The following NCOA4 variants were observed in gnomAD, a reference collection of about 807,000 sequenced individuals.
The protein encoded by NCOA4 is nuclear receptor coactivator 4.
Under a neutral mutation model 69.5 loss-of-function variants are expected in NCOA4, and 31 were observed. The ratio of observed to expected loss-of-function variants is 0.45; its 90% CI spans 0.34 to 0.60. The LOEUF (loss-of-function observed/expected upper bound fraction) is 0.60. NCOA4 is among the 20% of genes least tolerant of loss of function. The pLI, the probability that NCOA4 is intolerant of heterozygous loss-of-function variation, is 0.02. For synonymous variants in NCOA4, 228 were observed against 252.4 expected (o/e 0.90, Z 0.92); for missense variants, 600 against 719.2 (o/e 0.83, Z 1.90).
Position 46,010,437 on chromosome 10 carries a change from G to A in NCOA4, c.1484C>T (p.Ser495Leu), listed in dbSNP as rs142672975. 3,663 of 1,614,176 alleles carry A rather than the reference G, an allele frequency of 2.3e-3. 26 individuals are homozygous for A. Among genetic ancestry groups the A allele is most frequent in the East Asian group, 0.014 (630 of 44,884 alleles). Residue 495 changes from serine to leucine, a missense_variant, in exon 8 of 10, where the codon TCG (serine) becomes TTG (leucine). Coordinates refer to ENST00000581486, the MANE Select transcript of NCOA4 (RefSeq NM_001145263.2). ...GTATGGGGGCCTGATAAGCCACTCC[G>A]ACAAGGGGCTGTTCTTTATGACTTG... ...SFQVIKNSPL[S>L]EWLIRPPYKE...
At chr10:46,024,433 TTCTC>T (rs1179904156) in intron 1 of NCOA4, among the ~76,000 whole-genome samples, 8 of 152,180 alleles carry the variant, frequency 5.3e-5, no homozygotes, top group African/African-American at 1.9e-4. Context: ...ACGGTCTCTG[TTCTC>T]TCTCTAAAAG....
Position 46,006,580 on chromosome 10 carries a change from T to C in NCOA4, c.*12A>G, listed in dbSNP as rs368134933. ...AATCAGCAGAAAGGCTGCTCAACTC[T>C]TGTCCATTCCTTCACATCTGTAAAG... On this transcript the variant is annotated 3_prime_UTR_variant, in exon 10 of 10. Coordinates refer to ENST00000581486, the MANE Select transcript of NCOA4 (RefSeq NM_001145263.2). The C allele has an allele frequency of 1.2e-6, 2 of 1,613,888 alleles. No homozygotes were observed. Among genetic ancestry groups the C allele is most frequent in the East Asian group, 2.2e-5 (1 of 44,882 alleles).
intron 1 of NCOA4, chr10:46,023,379 G>T (rs1029206157): frequency 8.1e-6 from 8 of 985,692 alleles, no homozygotes; most frequent in Non-Finnish European, 9.6e-6. Context: ...GCGACAGGCT[G>T]CTTTACCCCT....
At chr10:46,027,192 A>T (rs1234622687) in intron 1 of NCOA4, among the ~76,000 whole-genome samples, 1 of 147,086 alleles carries the variant, frequency 6.8e-6, no homozygotes, top group Admixed American at 7.1e-5. Flanking sequence ...AATGGCGTGA[A>T]CCCGGAAGGC....
intron 6 of NCOA4, 99 bp downstream of exon 6, chr10:46,013,451 C>A: frequency 1.2e-6 from 1 of 860,778 alleles, no homozygotes. Flanking sequence ...CCACTGGTGC[C>A]TTTTTACAAA....
At chr10:46,012,098 A>AAAAACG (rs1839264272) in intron 7 of NCOA4, among the ~76,000 whole-genome samples, 2 of 133,534 alleles carry the variant, frequency 1.5e-5, no homozygotes, top group Admixed American at 7.3e-5. Context: ...AAAAAAAAAA[A>AAAAACG]AAAAACGAAA....
chr10:46,016,383 G>A (rs1554923197), intron 2 of NCOA4, among the ~76,000 whole-genome samples, 157 bp downstream of exon 2: 2 of 152,162 alleles, frequency 1.3e-5, no homozygotes, highest in Non-Finnish European at 2.9e-5. Flanking sequence ...TGGGATGAAA[G>A]GCACCAGTAT....
chr10:46,010,315 T>C lies in NCOA4; in HGVS notation c.1606A>G (p.Thr536Ala), dbSNP rs1554920863. The change falls in exon 8 of 10, where the codon ACA (threonine) becomes GCA (alanine). Residue 536 changes from threonine (T) to alanine (A), a missense_variant. Coordinates refer to ENST00000581486, the MANE Select transcript of NCOA4 (RefSeq NM_001145263.2). ...PMNTSWCSFN[T>A]ADWVLPGKKM... ...TTTCCTGGCAGGACCCAGTCAGCTGTGTTAAAGGAACACCAGGAAGTATTC... is the reference window on the plus strand; with the variant it reads ...TTTCCTGGCAGGACCCAGTCAGCTGCGTTAAAGGAACACCAGGAAGTATTC... The C allele has an allele frequency of 6.2e-7, 1 of 1,614,208 alleles. No homozygotes were observed. The highest frequency in any genetic ancestry group is 8.5e-7 in the Non-Finnish European group (1 of 1,180,036).
rs1838739014 is a variant in NCOA4 at position 46,005,089 on chromosome 10, ATGGC to A, written c.*1499_*1502del. On this transcript the variant is annotated 3_prime_UTR_variant, in exon 10 of 10. Transcript: ENST00000581486. ...GTTTTAAAAATAACACGCAACAACT[ATGGC>A]TGTTATGCTTTTAATGGAAGCAGAT... 2 of 184,750 alleles carry A rather than the reference ATGGC, an allele frequency of 1.1e-5. No individual in the cohort carries two copies. Among genetic ancestry groups the A allele is most frequent in the Non-Finnish European group, 2.3e-5 (2 of 87,088 alleles). The allele number at this position is 184,750 out of a possible 1,614,324, so 11.4% of individuals were successfully genotyped here.
chr10:46,015,206 C>T lies in NCOA4; in HGVS notation c.202G>A (p.Val68Ile). The T allele has an allele frequency of 1.2e-6, 2 of 1,614,084 alleles. No individual in the cohort carries two copies. The highest frequency in any genetic ancestry group is 2.2e-5 in the South Asian group (2 of 91,082). Reference sequence around the variant, plus strand: ...AGGTCCACCTGTTCATACAGCCATACCTCACGGCTTCTAAGACATTCCAGG... The same window carrying T: ...AGGTCCACCTGTTCATACAGCCATATCTCACGGCTTCTAAGACATTCCAGG... Reference protein sequence around the residue: ...RHLECLRSREVWLYEQVDLIY... With the variant: ...RHLECLRSREIWLYEQVDLIY... The change falls in exon 3 of 10, where the codon GTA (valine) becomes ATA (isoleucine). Residue 68 changes from valine to isoleucine, a missense_variant. Coordinates refer to ENST00000581486, the MANE Select transcript of NCOA4 (RefSeq NM_001145263.2).
intron 1 of NCOA4, chr10:46,019,208 T>G (rs2132355500): frequency 4.0e-6 from 2 of 495,818 alleles, no homozygotes; most frequent in African/African-American, 4.2e-5. Context: ...TTTCTAACCC[T>G]GGACACACCA....
In NCOA4 at chr10:46,005,248, C is replaced by T. The variant is rs1274483413; in HGVS notation, c.*1344G>A. 1 of 213,238 alleles carries T rather than the reference C, an allele frequency of 4.7e-6. No individual in the cohort carries two copies. The highest frequency in any genetic ancestry group is 2.3e-5 in the African/African-American group (1 of 44,160). 13.2% of individuals were successfully genotyped at this position (213,238 alleles called of 1,614,324 possible). A position where few individuals can be genotyped will look rare whatever the true frequency, so the allele number is the denominator to read the frequency against. On this transcript the variant is annotated 3_prime_UTR_variant, in exon 10 of 10. Transcript: ENST00000581486. ...ACTACAGAGCTGCAACTCAAGATAA[C>T]TGGAAAGGCTCCTTACATTGTTTTT...
intron 1 of NCOA4, chr10:46,019,375 G>A: frequency 1.0e-6 from 1 of 985,424 alleles, no homozygotes; most frequent in South Asian, 4.7e-5. Flanking sequence ...GGAGCGTGAT[G>A]GGCTGCTTCA....
At position 46,012,635 on chromosome 10, in the gene NCOA4, A is replaced by G. The variant is rs185631658; in HGVS notation, c.714+248T>C. Among the ~76,000 whole-genome samples the G allele has an allele frequency of 1.6e-4, 24 of 152,214 alleles. No homozygotes were observed. The East Asian group carries it at 3.7e-3, about 23-fold the overall frequency. ...ATATAAATACTTCACTTTTATTGTT[A>G]CAGTGTTTTTCTCTTTGTGTTGAGA... On this transcript the variant is annotated intron_variant, in intron 7 of 9. Coordinates refer to ENST00000581486, the MANE Select transcript of NCOA4 (RefSeq NM_001145263.2).
At chr10:46,023,395 G>C (rs781889011) in intron 1 of NCOA4, 35 of 985,580 alleles carry the variant, frequency 3.6e-5, no homozygotes, top group Non-Finnish European at 4.2e-5. Context: ...CCCCTGACCC[G>C]AGTGCGAAAG....
In NCOA4 at chr10:46,011,205, G is replaced by A. The variant is rs782321443; in HGVS notation, c.716C>T (p.Thr239Ile). 1 of 1,579,868 alleles carries A rather than the reference G, an allele frequency of 6.3e-7. No homozygotes were observed. The highest frequency in any genetic ancestry group is 1.2e-5 in the South Asian group (1 of 84,382). Residue 239 changes from threonine (T) to isoleucine (I), a missense_variant and splice_region_variant, in exon 8 of 10, where the codon ACT becomes ATT. Coordinates refer to ENST00000581486, the MANE Select transcript of NCOA4 (RefSeq NM_001145263.2). ...TQKQTLENSQ[T>I]SSRACNFFNN... Reference sequence around the variant, plus strand: ...GAAGAAATTGCAGGCTCTGGAAGAAGTCTACACAAAAAGTACACAGTATTA... The same window carrying A: ...GAAGAAATTGCAGGCTCTGGAAGAAATCTACACAAAAAGTACACAGTATTA...
Position 46,006,382 on chromosome 10 carries a change from A to T in NCOA4, c.*210T>A. The T allele has an allele frequency of 7.3e-6, 4 of 546,234 alleles. No homozygotes were observed. The South Asian group carries it at 1.0e-4, about 14-fold the overall frequency. The allele number at this position is 546,234 out of a possible 1,614,324, so 33.8% of individuals were successfully genotyped here. On this transcript the variant is annotated 3_prime_UTR_variant, in exon 10 of 10. Coordinates refer to ENST00000581486, the MANE Select transcript of NCOA4 (RefSeq NM_001145263.2). ...TACTTCTGTAAGAAGGAGGGAACTG[A>T]ATCACCTCAGCATGAATAAACAGCA...
Position 46,011,061 on chromosome 10 carries a change from T to G in NCOA4, c.860A>C (p.Lys287Thr), listed in dbSNP as rs1554921358. Residue 287 changes from lysine to threonine, a missense_variant, in exon 8 of 10, where the codon AAG becomes ACG. Physicochemically the swap from Lys to Thr is moderately conservative, Grantham distance 78. Transcript: ENST00000581486. Reference protein sequence around the residue: ...TTSSFSIEMEKVGDQELPDQD... With the variant: ...TTSSFSIEMETVGDQELPDQD... ...ATCAGGAAGCTCTTGATCTCCAACC[T>G]TTTCCATTTCAATGGAGAAAGAACT... 2 of 1,613,932 alleles carry G rather than the reference T, an allele frequency of 1.2e-6. No individual in the cohort carries two copies. Among genetic ancestry groups the G allele is most frequent in the Non-Finnish European group, 1.7e-6 (2 of 1,179,818 alleles).
intron 8 of NCOA4, among the ~76,000 whole-genome samples, chr10:46,009,968 G>T (rs1171076276): frequency 6.6e-6 from 1 of 152,102 alleles, no homozygotes; most frequent in African/African-American, 2.4e-5. Context: ...GGAGTTCAGA[G>T]ACCAGCCCAG....
Sources: allele counts gnomAD v4.1 joint callset (sites outside exome capture counted in the v4.1 genomes callset), GRCh38; gene constraint gnomAD v4.1.1; transcripts MANE v1.5; gene names NCBI Gene and HGNC (gene_info 2026-07-23, HGNC 2026-07-21).